Variants in BCL2 observed in about 807,000 individuals in gnomAD.
BCL2 encodes the protein BCL2 apoptosis regulator, also known as apoptosis regulator Bcl-2.
Under a neutral mutation model 14.2 loss-of-function variants are expected in BCL2, and 1 was observed. The observed-to-expected ratio is 0.07, with a 90% CI of 0.02 to 0.33. The LOEUF is 0.33. BCL2 is among the 10% of genes least tolerant of loss of function. BCL2 has a pLI of 0.99. For synonymous variants in BCL2, 151 were observed against 137.2 expected (o/e 1.10, Z -0.70); for missense variants, 247 against 305.9 (o/e 0.81, Z 1.44).
intron 2 of BCL2, among the ~76,000 whole-genome samples, chr18:63,310,356 A>G (rs1913273220): frequency 1.3e-5 from 2 of 152,156 alleles, no homozygotes; most frequent in Non-Finnish European, 2.9e-5. Flanking sequence ...CACCTCCCGC[A>G]TTCATGCCTG....
intron 2 of BCL2, among the ~76,000 whole-genome samples, chr18:63,133,927 A>T (rs1914140182): frequency 6.6e-6 from 1 of 152,248 alleles, no homozygotes; most frequent in South Asian, 2.1e-4. Context: ...GCGCGTCCAC[A>T]TGATGGAGTG....
chr18:63,210,021 G>A (rs549886290), intron 2 of BCL2, among the ~76,000 whole-genome samples: 1 of 152,308 alleles, frequency 6.6e-6, no homozygotes, highest in Admixed American at 6.5e-5. Context: ...AGAGCCCCTG[G>A]TGTGGTGGAG....
chr18:63,151,525 AG>A (rs2057695472), intron 2 of BCL2, among the ~76,000 whole-genome samples: 1 of 92,874 alleles, frequency 1.1e-5, no homozygotes, highest in African/African-American at 4.4e-5. Context: ...GGGCGAGGGG[AG>A]GGGACAGCAT....
chr18:63,276,571 C>T (rs1459737459), intron 2 of BCL2, among the ~76,000 whole-genome samples: 1 of 152,230 alleles, frequency 6.6e-6, no homozygotes, highest in Non-Finnish European at 1.5e-5. Flanking sequence ...GGGTTTCCTC[C>T]ATGATTTTCA....
At chr18:63,213,856 A>C (rs1017887520) in intron 2 of BCL2, among the ~76,000 whole-genome samples, 3 of 152,100 alleles carry the variant, frequency 2.0e-5, no homozygotes, top group Admixed American at 2.0e-4. Context: ...TACAGGGCCC[A>C]CCTCAACGCA....
intron 2 of BCL2, among the ~76,000 whole-genome samples, chr18:63,300,834 T>G (rs764443738): frequency 3.9e-5 from 6 of 152,146 alleles, no homozygotes; most frequent in Non-Finnish European, 8.8e-5. Flanking sequence ...TTAAGAGCAT[T>G]TTTGTCTTCT....
intron 2 of BCL2, among the ~76,000 whole-genome samples, chr18:63,276,069 T>A: frequency 6.6e-6 from 1 of 152,106 alleles, no homozygotes. Flanking sequence ...CTACTCCTCA[T>A]TAGAGGGAGG....
At chr18:63,150,954 C>T (rs1252152579) in intron 2 of BCL2, among the ~76,000 whole-genome samples, 1 of 152,130 alleles carries the variant, frequency 6.6e-6, no homozygotes, top group African/African-American at 2.4e-5. Context: ...GCTGCGCCTC[C>T]ACCAAGAAGG....
chr18:63,233,195 C>T (rs565347109), intron 2 of BCL2, among the ~76,000 whole-genome samples: 5 of 152,188 alleles, frequency 3.3e-5, no homozygotes, highest in Non-Finnish European at 4.4e-5. Context: ...CTCCTAATAG[C>T]ATCGTATTTG....
At chr18:63,196,152 T>A (rs1196141840) in intron 2 of BCL2, among the ~76,000 whole-genome samples, 3 of 152,220 alleles carry the variant, frequency 2.0e-5, no homozygotes, top group African/African-American at 7.2e-5. Context: ...GTTATCTGTA[T>A]CCCTGTAACC....
chr18:63,161,398 AGAT>A (rs1914917469), intron 2 of BCL2, among the ~76,000 whole-genome samples: 1 of 152,222 alleles, frequency 6.6e-6, no homozygotes, highest in East Asian at 1.9e-4. Flanking sequence ...CTTTTTGCTC[AGAT>A]GATCTTTCCA....
intron 2 of BCL2, among the ~76,000 whole-genome samples, chr18:63,313,203 C>T (rs1341719480): frequency 6.6e-6 from 1 of 152,162 alleles, no homozygotes; most frequent in Non-Finnish European, 1.5e-5. Flanking sequence ...GTGAGTTTAT[C>T]CAGGGCAGAA....
In BCL2 at chr18:63,124,673, GAATAAC is replaced by G. The variant is rs1913865757; in HGVS notation, c.*3946_*3951del. 4.7e-6 allele frequency: 1 copy of G among 214,668 alleles called. No individual in the cohort carries two copies. Among genetic ancestry groups the G allele is most frequent in the East Asian group, 6.9e-5 (1 of 14,426 alleles). 13.3% of individuals were successfully genotyped at this position (214,668 alleles called of 1,614,324 possible). On this transcript the variant is annotated 3_prime_UTR_variant, in exon 3 of 3. Transcript: ENST00000333681. ...AAAAAATCCCTGAAAGATCCAAATT[GAATAAC>G]AATAAAGATCTGATTGGAACCTTCA...
chr18:63,171,794 G>A (rs1915226707), intron 2 of BCL2, among the ~76,000 whole-genome samples: 1 of 152,172 alleles, frequency 6.6e-6, no homozygotes, highest in Non-Finnish European at 1.5e-5. Context: ...AGGTGACAGA[G>A]CAAGACCTTG....
intron 2 of BCL2, among the ~76,000 whole-genome samples, chr18:63,206,893 G>C (rs1215253100): frequency 6.6e-6 from 1 of 152,120 alleles, no homozygotes; most frequent in East Asian, 1.9e-4. Context: ...AAGCCCAAAA[G>C]TGGATTCCTG....
intron 2 of BCL2, among the ~76,000 whole-genome samples, chr18:63,191,686 C>A (rs932446769): frequency 6.6e-6 from 1 of 152,190 alleles, no homozygotes; most frequent in South Asian, 2.1e-4. Context: ...TCAGGATAAG[C>A]CCTAAAGGTT....
At chr18:63,191,557 T>C (rs1909292779) in intron 2 of BCL2, among the ~76,000 whole-genome samples, 1 of 152,260 alleles carries the variant, frequency 6.6e-6, no homozygotes, top group Non-Finnish European at 1.5e-5. Context: ...AAAAACACTT[T>C]GTGTGTATGA....
chr18:63,232,001 T>C (rs1359878968), intron 2 of BCL2, among the ~76,000 whole-genome samples: 1 of 151,454 alleles, frequency 6.6e-6, no homozygotes, highest in Non-Finnish European at 1.5e-5. Context: ...ACTAACGCAA[T>C]AGAGAGAGCC....
chr18:63,211,569 T>C (rs976884561), intron 2 of BCL2, among the ~76,000 whole-genome samples: 1 of 152,208 alleles, frequency 6.6e-6, no homozygotes, highest in African/African-American at 2.4e-5. Context: ...GCACTGTCAT[T>C]TTGGTAACTC....
Sources: allele counts gnomAD v4.1 joint callset (sites outside exome capture counted in the v4.1 genomes callset), GRCh38; gene constraint gnomAD v4.1.1; transcripts MANE v1.5; gene names NCBI Gene and HGNC (gene_info 2026-07-23, HGNC 2026-07-21).